Variants in NOMO2 observed in about 807,000 individuals in gnomAD.
The protein encoded by NOMO2 is NODAL modulator 2.
A neutral mutation model predicts 67.1 loss-of-function variants in NOMO2; 14 were observed. That is an observed-to-expected ratio of 0.21 (90% confidence interval 0.14 to 0.33). The LOEUF is 0.33. Among genes scored for constraint, NOMO2 ranks in the 10% least tolerant of loss-of-function variants. NOMO2 has a pLI of 1.00. For synonymous variants in NOMO2, 80 were observed against 305.9 expected (o/e 0.26, Z 7.71); for missense variants, 178 against 761.0 (o/e 0.23, Z 9.01).
chr16:18,557,876 G>A, intron 1 of NOMO2, 85 bp from the exon 2 acceptor site: 2 of 1,591,094 alleles, frequency 1.3e-6, no homozygotes, highest in East Asian at 4.5e-5. Flanking sequence ...CACTCAGTCA[G>A]TATACATTCA....
intron 1 of NOMO2, among the ~76,000 whole-genome samples, chr16:18,560,235 T>G (rs1902007098): frequency 6.6e-6 from 1 of 151,866 alleles, no homozygotes; most frequent in Non-Finnish European, 1.5e-5. Flanking sequence ...CTGAATTACT[T>G]ACGAAAGAAT....
intron 11 of NOMO2, among the ~76,000 whole-genome samples, chr16:18,536,472 T>C: frequency 6.6e-6 from 1 of 152,106 alleles, no homozygotes; most frequent in East Asian, 1.9e-4. Context: ...ATTTTTTAAT[T>C]TTTATCTCTT....
In NOMO2 at chr16:18,561,997, A is replaced by T; in HGVS notation, c.44T>A (p.Val15Asp). Residue 15 changes from valine (V) to aspartate (D), a missense_variant, in exon 1 of 31, where the codon GTC becomes GAC. Coordinates refer to ENST00000622306, the MANE Select transcript of NOMO2 (RefSeq NM_173614.4). ...CAGCAGCAGCACCACCGCGGCGGTG[A>T]CCACCGCGGGCCCCAGCAGCCCCGC... ...QGAGLLGPAV[V>D]TAAVVLLLSG... The T allele has an allele frequency of 6.4e-7, 1 of 1,555,372 alleles. No individual in the cohort carries two copies. The highest frequency in any genetic ancestry group is 8.7e-7 in the Non-Finnish European group (1 of 1,151,754).
chr16:18,537,335 G>T (rs572109532), intron 11 of NOMO2, among the ~76,000 whole-genome samples: 3 of 150,032 alleles, frequency 2.0e-5, no homozygotes, highest in South Asian at 2.1e-4. Context: ...TGTCGTCTCT[G>T]CTTTCAGACC....
chr16:18,542,938 A>G (rs2141738348), intron 7 of NOMO2: 2 of 344,744 alleles, frequency 5.8e-6, no homozygotes, highest in South Asian at 6.1e-5. Flanking sequence ...CTTCCCGGGA[A>G]AGATGACATG....
chr16:18,538,507 A>G lies in NOMO2; in HGVS notation c.1220+19T>C. 2.5e-6 allele frequency: 4 copies of G among 1,613,504 alleles called. No homozygotes were observed. Among genetic ancestry groups the G allele is most frequent in the Non-Finnish European group, 3.4e-6 (4 of 1,179,742 alleles). On this transcript the variant is annotated intron_variant, in intron 11 of 30. Coordinates refer to ENST00000622306, the MANE Select transcript of NOMO2 (RefSeq NM_173614.4). ...CCAGCATATTTACTGGTGCTTCCAA[A>G]TCCACACGATAAGCTTACCCTGTTG...
chr16:18,545,012 T>A (rs1046641557), intron 6 of NOMO2, among the ~76,000 whole-genome samples: 6 of 142,876 alleles, frequency 4.2e-5, no homozygotes, highest in Non-Finnish European at 9.2e-5. Flanking sequence ...TAAACTCAGA[T>A]TCTTCTATGC....
At chr16:18,529,416 T>A (rs1452195026) in intron 15 of NOMO2, 85 bp downstream of exon 15, 2 of 1,611,238 alleles carry the variant, frequency 1.2e-6, no homozygotes, top group Non-Finnish European at 1.7e-6. Flanking sequence ...TGCCTACGTT[T>A]ACAATATTCC....
chr16:18,561,194 A>AAAAAC (rs1555467958), intron 1 of NOMO2, among the ~76,000 whole-genome samples: 142 of 137,152 alleles, frequency 1.0e-3, no homozygotes, highest in East Asian at 6.7e-3. Context: ...AAAAAAAAAA[A>AAAAAC]AAAAAAAAAA....
In NOMO2 at chr16:18,553,514, G is replaced by T. The variant is rs568010042; in HGVS notation, c.301+1293C>A. 1.9e-3 allele frequency among the ~76,000 whole-genome samples: 284 copies of T among 151,418 alleles called. 1 individual carries two copies. Among genetic ancestry groups the T allele is most frequent in the African/African-American group, 6.7e-3 (278 of 41,304 alleles). ...AGGTCAGGGTGGTGGTCACCTGGAGGGTGGGGCGGGATGGCTAATGAGCAC... is the reference window on the plus strand; with the variant it reads ...AGGTCAGGGTGGTGGTCACCTGGAGTGTGGGGCGGGATGGCTAATGAGCAC... On this transcript the variant is annotated intron_variant, in intron 3 of 30. Transcript: ENST00000622306.
At chr16:18,548,932 CA>C (rs757604800) in intron 5 of NOMO2, among the ~76,000 whole-genome samples, 15 of 142,570 alleles carry the variant, frequency 1.1e-4, no homozygotes, top group Non-Finnish European at 2.3e-4. Flanking sequence ...GGCCTTGAAG[CA>C]GGTGCTTTAT....
intron 11 of NOMO2, among the ~76,000 whole-genome samples, chr16:18,535,358 T>C (rs950047444): frequency 1.3e-5 from 2 of 150,844 alleles, no homozygotes; most frequent in Non-Finnish European, 3.0e-5. Context: ...GAAGTATCAG[T>C]GTGCTAAAAA....
chr16:18,528,736 CCT>C (rs1205960084), intron 15 of NOMO2, among the ~76,000 whole-genome samples: 1 of 151,328 alleles, frequency 6.6e-6, no homozygotes, highest in Admixed American at 6.6e-5. Flanking sequence ...AGGTGGATCC[CCT>C]GAGGTCAGGA....
chr16:18,557,020 G>T (rs1158320498), intron 2 of NOMO2, among the ~76,000 whole-genome samples: 2 of 151,940 alleles, frequency 1.3e-5, no homozygotes, highest in African/African-American at 4.8e-5. Context: ...CCAGCTATTC[G>T]GGAGGCCTAG....
chr16:18,541,786 G>A (rs1272060972), intron 9 of NOMO2, among the ~76,000 whole-genome samples: 1 of 142,462 alleles, frequency 7.0e-6, no homozygotes, highest in Non-Finnish European at 1.5e-5. Flanking sequence ...TGGCTGCAGT[G>A]AGATGAGATC....
chr16:18,561,196 A>AC lies in NOMO2; in HGVS notation c.165+679_165+680insG, dbSNP rs1430383942. Among the ~76,000 whole-genome samples the AC allele has an allele frequency of 4.4e-3, 204 of 46,240 alleles. 1 individual carries two copies. The highest frequency in any genetic ancestry group is 8.3e-3 in the Non-Finnish European group (161 of 19,440). 30.3% of individuals were successfully genotyped at this position (46,240 alleles called of 152,430 possible). A position where few individuals can be genotyped will look rare whatever the true frequency, so the allele number is the denominator to read the frequency against. ...ATTAAAAAAAAAAAAAAAAAAAAAA[A>AC]AAAAAAAAAAACCTTTACAAATCTC... On this transcript the variant is annotated intron_variant, in intron 1 of 30. Transcript: ENST00000622306.
At chr16:18,531,739 A>C (rs1360747180) in intron 12 of NOMO2, 132 bp from the exon 13 acceptor site, 2 of 1,484,116 alleles carry the variant, frequency 1.3e-6, no homozygotes, top group African/African-American at 2.8e-5. Flanking sequence ...TTTCCAGGCC[A>C]ATTTTACAAT....
At chr16:18,561,193 A>AAAC (rs1567249227) in intron 1 of NOMO2, among the ~76,000 whole-genome samples, 11 of 143,952 alleles carry the variant, frequency 7.6e-5, no homozygotes, top group African/African-American at 2.6e-4. Context: ...AAAAAAAAAA[A>AAAC]AAAAAAAAAA....
chr16:18,552,777 A>T (rs1901817460), intron 3 of NOMO2, among the ~76,000 whole-genome samples: 1 of 152,022 alleles, frequency 6.6e-6, no homozygotes, highest in South Asian at 2.1e-4. Context: ...GGATGTTTGC[A>T]AACACCTAAA....
Sources: gnomAD v4.1 joint callset for allele counts (sites outside exome capture counted in the v4.1 genomes callset) on GRCh38, gnomAD v4.1.1 for gene constraint, MANE v1.5 for transcripts, NCBI Gene and HGNC (gene_info 2026-07-23, HGNC 2026-07-21) for gene names.